The following EYA3 variants were observed in gnomAD, a reference collection of about 807,000 sequenced individuals.
The protein encoded by EYA3 is protein phosphatase EYA3.
EYA3 carries 39 observed loss-of-function variants against 80.0 expected under a neutral mutation model. The ratio of observed to expected loss-of-function variants is 0.49; its 90% CI spans 0.38 to 0.64. The LOEUF (loss-of-function observed/expected upper bound fraction) is 0.64, where lower values mean the gene tolerates loss of function less well. Ranked by LOEUF, EYA3 falls within the 30% of genes least tolerant of loss-of-function variation. The pLI is 0.00. For missense variants in EYA3, 523 were observed against 676.1 expected, an observed-to-expected ratio of 0.77 and a Z score of 2.51; for synonymous variants, 206 against 232.8, an observed-to-expected ratio of 0.88 and a Z score of 1.05.
rs190668214 is a variant in EYA3 at position 28,077,557 on chromosome 1, A to G, written c.-69+10967T>C. 3.1e-3 allele frequency among the ~76,000 whole-genome samples: 466 copies of G among 152,080 alleles called. 6 individuals carry two copies. The highest frequency in any genetic ancestry group is 0.011 in the African/African-American group (441 of 41,466). On this transcript the variant is annotated intron_variant, in intron 1 of 17. Transcript: ENST00000373871. ...ATGGTTCTTCTATATTTCTTCCAAC[A>G]CTCCTTGGATCTCTCTCCAATTTTA...
Position 28,013,271 on chromosome 1 carries a change from A to G in EYA3, c.609T>C (p.Leu203=). 6.2e-7 allele frequency: 1 copy of G among 1,613,944 alleles called. No individual in the cohort carries two copies. Among genetic ancestry groups the G allele is most frequent in the African/African-American group, 1.3e-5 (1 of 75,048 alleles). Reference sequence around the variant, plus strand: ...AGCAGGCCTGGTACTGATTCTGACCAAGAATAGTATAGGTGGGATAATCCT... The same window carrying G: ...AGCAGGCCTGGTACTGATTCTGACCGAGAATAGTATAGGTGGGATAATCCT... ...SNQDYPTYTI[L]GQNQYQACYP... Residue 203 remains leucine (L), a synonymous_variant, in exon 9 of 18, where the codon CTT becomes CTC. Transcript: ENST00000373871. The surrounding 1 kb of genome is among the most constrained non-coding windows in gnomAD (Gnocchi z 4.0).
chr1:28,060,047 T>C (rs967412346), intron 1 of EYA3, among the ~76,000 whole-genome samples: 4 of 152,146 alleles, frequency 2.6e-5, no homozygotes, highest in African/African-American at 7.2e-5. Flanking sequence ...TTCTCATCCA[T>C]AGAAAACTTA....
At position 27,991,463 on chromosome 1, in the gene EYA3, T is replaced by A. The variant is rs188009028; in HGVS notation, c.1304-1652A>T. 2.0e-5 allele frequency among the ~76,000 whole-genome samples: 3 copies of A among 152,324 alleles called. No individual in the cohort carries two copies. In the East Asian group the frequency reaches 5.8e-4, roughly 29 times the overall value. On this transcript the variant is annotated intron_variant, in intron 14 of 17. Transcript: ENST00000373871. ...GAGAGCTCATATGATGGGAGCCTGC[T>A]CTCAGACACTTCAGTTAAAATATTC...
intron 2 of EYA3, among the ~76,000 whole-genome samples, chr1:28,055,217 T>C (rs1483605865): frequency 6.6e-6 from 1 of 152,150 alleles, no homozygotes; most frequent in Non-Finnish European, 1.5e-5. Flanking sequence ...TAAACTGTAG[T>C]GTGAGGTATT....
At chr1:28,038,760 T>C in intron 5 of EYA3, 79 bp downstream of exon 5, 1 of 782,422 alleles carries the variant, frequency 1.3e-6, no homozygotes, top group Admixed American at 2.6e-5. Context: ...TCTATTATTT[T>C]AGAGGAAAAA....
At chr1:28,038,164 T>C (rs1286369433) in intron 5 of EYA3, among the ~76,000 whole-genome samples, 1 of 152,094 alleles carries the variant, frequency 6.6e-6, no homozygotes, top group Non-Finnish European at 1.5e-5. Context: ...GAACACAGGC[T>C]GGGCGTGATG....
chr1:28,000,736 TG>T (rs1287733869), intron 11 of EYA3, among the ~76,000 whole-genome samples: 1 of 152,128 alleles, frequency 6.6e-6, no homozygotes, highest in Non-Finnish European at 1.5e-5. Flanking sequence ...CTAGACTAGC[TG>T]GGGCAACAAA....
chr1:28,039,714 A>G (rs1348103521), intron 4 of EYA3, among the ~76,000 whole-genome samples: 1 of 152,230 alleles, frequency 6.6e-6, no homozygotes, highest in Non-Finnish European at 1.5e-5. Context: ...CTTGATCAAA[A>G]GTAGATGAGG....
At chr1:28,059,751 C>T (rs934624801) in intron 1 of EYA3, among the ~76,000 whole-genome samples, 7 of 112,020 alleles carry the variant, frequency 6.2e-5, no homozygotes, top group South Asian at 5.5e-4. Flanking sequence ...GATAGGGTTT[C>T]GCTGTGTCAC....
intron 2 of EYA3, among the ~76,000 whole-genome samples, chr1:28,055,203 T>C (rs1644394373): frequency 6.6e-6 from 1 of 152,180 alleles, no homozygotes; most frequent in Non-Finnish European, 1.5e-5. Flanking sequence ...GGACTCTCAG[T>C]GTGTAAACTG....
chr1:28,083,549 C>A (rs1645507551), intron 1 of EYA3, among the ~76,000 whole-genome samples: 1 of 151,842 alleles, frequency 6.6e-6, no homozygotes, highest in Admixed American at 6.6e-5. Context: ...ACCCTTATTT[C>A]ATAGGGTTGT....
At chr1:28,061,224 A>G (rs1644612299) in intron 1 of EYA3, among the ~76,000 whole-genome samples, 1 of 152,220 alleles carries the variant, frequency 6.6e-6, no homozygotes, top group Admixed American at 6.5e-5. Flanking sequence ...AAATGCACTA[A>G]TGACCACAAA....
At chr1:27,985,302 C>G (rs1639579002) in intron 16 of EYA3, among the ~76,000 whole-genome samples, 1 of 151,928 alleles carries the variant, frequency 6.6e-6, no homozygotes, top group Non-Finnish European at 1.5e-5. Flanking sequence ...TGGTCTTGAA[C>G]CCCCGGGCTC....
chr1:28,037,851 G>C (rs970568120), intron 5 of EYA3, among the ~76,000 whole-genome samples: 2 of 152,148 alleles, frequency 1.3e-5, no homozygotes, highest in African/African-American at 4.8e-5. Flanking sequence ...AGTATCTCTT[G>C]CTTTTGTTAC....
At chr1:27,985,969 G>C (rs1335956106) in intron 16 of EYA3, among the ~76,000 whole-genome samples, 1 of 152,102 alleles carries the variant, frequency 6.6e-6, no homozygotes, top group African/African-American at 2.4e-5. Context: ...CTAGTAGTAG[G>C]GAGGCCAGGA....
chr1:28,060,512 A>G (rs1026608806), intron 1 of EYA3, among the ~76,000 whole-genome samples: 2 of 152,224 alleles, frequency 1.3e-5, no homozygotes, highest in Non-Finnish European at 2.9e-5. Context: ...AATTGATTTT[A>G]TAATAGAAAA....
At chr1:28,084,589 ATATATATTTTTTTTTTTTTTTTTTTT>A (rs1258388894) in intron 1 of EYA3, among the ~76,000 whole-genome samples, 1 of 15,712 alleles carries the variant, frequency 6.4e-5, no homozygotes, top group African/African-American at 3.2e-4. Context: ...ATATATATAT[ATATATATTTTTTTTTTTTTTTTTTTT>A]TTTTTTTTTT....
At chr1:28,018,405 C>G (rs915418699) in intron 7 of EYA3, among the ~76,000 whole-genome samples, 3 of 152,146 alleles carry the variant, frequency 2.0e-5, no homozygotes, top group Admixed American at 6.5e-5. Context: ...ATTATCAGTA[C>G]TGTTCTCAAA....
chr1:28,038,256 G>C (rs547191713), intron 5 of EYA3, among the ~76,000 whole-genome samples: 8 of 152,048 alleles, frequency 5.3e-5, no homozygotes, highest in African/African-American at 1.9e-4. Context: ...GGTCAACATG[G>C]TGAAATCCCA....
Sources: gnomAD v4.1 joint callset for allele counts (sites outside exome capture counted in the v4.1 genomes callset) on GRCh38, gnomAD v4.1.1 for gene constraint, Gnocchi (gnomAD v3.1) non-coding constraint, MANE v1.5 for transcripts, NCBI Gene and HGNC (gene_info 2026-07-23, HGNC 2026-07-21) for gene names.